CREB3L2: variants seen among roughly 807,000 people sequenced by gnomAD.
The protein encoded by CREB3L2 is cAMP responsive element binding protein 3 like 2.
Under a neutral mutation model 57.2 loss-of-function variants are expected in CREB3L2, and 23 were observed. That is an observed-to-expected ratio of 0.40 (90% confidence interval 0.29 to 0.57). The LOEUF (loss-of-function observed/expected upper bound fraction) is 0.57. Among genes scored for constraint, CREB3L2 ranks in the 20% least tolerant of loss-of-function variants. The pLI, the probability that CREB3L2 is intolerant of heterozygous loss-of-function variation, is 0.42. For synonymous variants in CREB3L2, 268 were observed against 265.1 expected, an observed-to-expected ratio of 1.01 and a Z score of -0.11; for missense variants, 628 against 634.7, an observed-to-expected ratio of 0.99 and a Z score of 0.11.
rs1010133029 is a variant in CREB3L2, at chr7:137,877,723, C to G, written c.*2753G>C. The G allele has an allele frequency of 4.4e-6, 1 of 227,660 alleles. No homozygotes were observed. Among genetic ancestry groups the G allele is most frequent in the Admixed American group, 5.7e-5 (1 of 17,598 alleles). 14.1% of individuals were successfully genotyped at this position (227,660 alleles called of 1,614,324 possible). On this transcript the variant is annotated 3_prime_UTR_variant, in exon 12 of 12. Coordinates refer to ENST00000330387, the MANE Select transcript of CREB3L2 (RefSeq NM_194071.4). ...TTTCTCAAAACTTACATTCAGAAGA[C>G]ACTGTCTGCCACTATTTGAAATCTT...
chr7:137,984,437 T>C (rs1262618144), intron 1 of CREB3L2, among the ~76,000 whole-genome samples: 4 of 152,230 alleles, frequency 2.6e-5, no homozygotes, highest in Non-Finnish European at 5.9e-5. Context: ...GTGAGGCTGA[T>C]GTTACGCTGG....
At chr7:137,910,685 G>A (rs1250569448) in intron 4 of CREB3L2, among the ~76,000 whole-genome samples, 1 of 152,112 alleles carries the variant, frequency 6.6e-6, no homozygotes, top group Admixed American at 6.5e-5. Flanking sequence ...ACTTGGTAGG[G>A]GCCAAATTAT....
At chr7:137,900,804 A>C (rs1376755423) in intron 8 of CREB3L2, among the ~76,000 whole-genome samples, 1 of 151,826 alleles carries the variant, frequency 6.6e-6, no homozygotes, top group Non-Finnish European at 1.5e-5. Context: ...ACTCCGTCTC[A>C]AAAAAAAGAA....
chr7:137,880,648 A>T lies in CREB3L2; in HGVS notation c.1488-97T>A. 2.2e-6 allele frequency: 2 copies of T among 916,360 alleles called. No individual in the cohort carries two copies. Among genetic ancestry groups the T allele is most frequent in the Non-Finnish European group, 3.6e-6 (2 of 561,222 alleles). 56.8% of individuals were successfully genotyped at this position (916,360 alleles called of 1,614,324 possible). On this transcript the variant is annotated intron_variant, in intron 11 of 11. Transcript: ENST00000330387. The surrounding 1 kb of genome is among the most constrained non-coding windows in gnomAD (Gnocchi z 4.0). Reference sequence around the variant, plus strand: ...GTGATGCAATCATTCAGGGGTTGCAACTTGGTGAGACGGCCTGGGCATGTT... The same window carrying T: ...GTGATGCAATCATTCAGGGGTTGCATCTTGGTGAGACGGCCTGGGCATGTT...
intron 1 of CREB3L2, among the ~76,000 whole-genome samples, chr7:137,976,814 G>C (rs1320695941): frequency 1.3e-5 from 2 of 152,192 alleles, no homozygotes; most frequent in African/African-American, 4.8e-5. Context: ...AAAGGGATAG[G>C]GGAGAATGCT....
chr7:137,991,425 A>G (rs1801893843), intron 1 of CREB3L2, among the ~76,000 whole-genome samples: 2 of 151,816 alleles, frequency 1.3e-5, no homozygotes, highest in Admixed American at 6.5e-5. Context: ...CAGCCTCCCA[A>G]AGTGCTGGGA....
At chr7:137,972,839 C>T (rs949071690) in intron 1 of CREB3L2, among the ~76,000 whole-genome samples, 1 of 146,662 alleles carries the variant, frequency 6.8e-6, no homozygotes, top group Non-Finnish European at 1.5e-5. Flanking sequence ...CCTAAGGGAA[C>T]TAAACTCTAA....
At chr7:137,932,959 T>C (rs1375779305) in intron 1 of CREB3L2, among the ~76,000 whole-genome samples, 9 of 152,206 alleles carry the variant, frequency 5.9e-5, no homozygotes. Context: ...CCCGAGATTC[T>C]GCATTTTTCA....
Position 137,904,021 on chromosome 7 carries a change from AG to A in CREB3L2, c.916-5del. 4 of 1,609,992 alleles carry A rather than the reference AG, an allele frequency of 2.5e-6. No individual in the cohort carries two copies. The highest frequency in any genetic ancestry group is 3.4e-6 in the Non-Finnish European group (4 of 1,176,224). On this transcript the variant is annotated splice_region_variant and splice_polypyrimidine_tract_variant and intron_variant, in intron 6 of 11. Transcript: ENST00000330387. ...TCCTACTTTCCTGAGCAGAAATCTG[AG>A]AGAGAGGAGTGGGAGGAGAATGATT... is the stretch of plus-strand genomic sequence containing the variant.
chr7:137,987,876 C>T (rs1423078357), intron 1 of CREB3L2, among the ~76,000 whole-genome samples: 2 of 152,132 alleles, frequency 1.3e-5, no homozygotes, highest in East Asian at 1.9e-4. Flanking sequence ...GTTTGTAACA[C>T]GGGTGGTTCA....
At chr7:137,935,990 A>C (rs1800773324) in intron 1 of CREB3L2, 2 of 970,818 alleles carry the variant, frequency 2.1e-6, no homozygotes, top group Non-Finnish European at 2.4e-6. Context: ...CTGCCCTAAG[A>C]TCAGAGGTCA....
chr7:137,934,252 AT>A (rs1207377314), intron 1 of CREB3L2, among the ~76,000 whole-genome samples: 11 of 151,960 alleles, frequency 7.2e-5, no homozygotes, highest in Non-Finnish European at 1.3e-4. Flanking sequence ...AATTGACTGA[AT>A]TTTTTTTCCT....
At position 137,922,392 on chromosome 7, in the gene CREB3L2, ATATATATATATATATATATATATG is replaced by A. The variant is rs1563253172; in HGVS notation, c.319+5734_319+5757del. Among the ~76,000 whole-genome samples, 20 of 19,276 alleles carry A rather than the reference ATATATATATATATATATATATATG, an allele frequency of 1.0e-3. 1 individual carries two copies. Among genetic ancestry groups the A allele is most frequent in the East Asian group, 7.7e-3 (1 of 130 alleles). 12.6% of individuals were successfully genotyped at this position (19,276 alleles called of 152,430 possible). ...TTACTATATATATATATGTATATATATATATATATATATATATATATATGTATATATATATATATATATACGTAT... is the reference window on the plus strand; with the variant it reads ...TTACTATATATATATATGTATATATATATATATATATATATATATACGTAT... On this transcript the variant is annotated intron_variant, in intron 2 of 11. Transcript: ENST00000330387.
At chr7:137,883,758 G>A (rs115655025) in intron 10 of CREB3L2, among the ~76,000 whole-genome samples, 3 of 152,096 alleles carry the variant, frequency 2.0e-5, no homozygotes, top group Admixed American at 6.6e-5. Flanking sequence ...CTATTTTAAG[G>A]TAACTGCAGG....
At chr7:137,999,864 A>G (rs1802047728) in intron 1 of CREB3L2, 1 of 152,272 alleles carries the variant, frequency 6.6e-6, no homozygotes, top group Non-Finnish European at 1.5e-5. Context: ...AAGAAAAATA[A>G]TCACACATTC....
intron 1 of CREB3L2, among the ~76,000 whole-genome samples, chr7:137,955,795 G>A (rs995265062): frequency 6.6e-5 from 10 of 152,094 alleles, no homozygotes; most frequent in East Asian, 1.9e-4. Context: ...CTAAGCATGC[G>A]GGAGTTATTT....
chr7:137,996,352 G>A (rs74912615), intron 1 of CREB3L2, among the ~76,000 whole-genome samples: 278 of 152,320 alleles, frequency 1.8e-3, no homozygotes, highest in African/African-American at 6.4e-3. Flanking sequence ...CAAAAGGGGC[G>A]AGAATGTTGA....
chr7:137,943,197 G>A (rs1476244687), intron 1 of CREB3L2, among the ~76,000 whole-genome samples: 3 of 152,078 alleles, frequency 2.0e-5, no homozygotes, highest in South Asian at 4.2e-4. Context: ...CTGCGGCTCT[G>A]GTATTCTGAG....
Position 137,877,072 on chromosome 7 carries a change from T to C in CREB3L2, c.*3404A>G, listed in dbSNP as rs75359457. 0.03 allele frequency: 6,798 copies of C among 228,526 alleles called. 120 individuals are homozygous for C. Among genetic ancestry groups the C allele is most frequent in the Non-Finnish European group, 0.04 (4,651 of 115,294 alleles). The allele number at this position is 228,526 out of a possible 1,614,324, so 14.2% of individuals were successfully genotyped here. A position where few individuals can be genotyped will look rare whatever the true frequency, so the allele number is the denominator to read the frequency against. ...GGAGAACAATTTTAAAAAACACTTATGAAAAAATGCTGGACACTTGACTCA... is the reference window on the plus strand; with the variant it reads ...GGAGAACAATTTTAAAAAACACTTACGAAAAAATGCTGGACACTTGACTCA... On this transcript the variant is annotated 3_prime_UTR_variant, in exon 12 of 12. Transcript: ENST00000330387.
Sources: gnomAD v4.1 joint callset for allele counts (sites outside exome capture counted in the v4.1 genomes callset) on GRCh38, gnomAD v4.1.1 for gene constraint, Gnocchi (gnomAD v3.1) non-coding constraint, MANE v1.5 for transcripts, NCBI Gene and HGNC (gene_info 2026-07-23, HGNC 2026-07-21) for gene names.